The following CA5A variants were observed in gnomAD, a reference collection of about 807,000 sequenced individuals.
The protein encoded by CA5A is carbonic anhydrase 5A.
A neutral mutation model predicts 37.1 loss-of-function variants in CA5A; 28 were observed. The ratio of observed to expected loss-of-function variants is 0.75; its 90% CI spans 0.56 to 1.03. CA5A has a LOEUF of 1.03. Among genes scored for constraint, CA5A ranks in the 50% least tolerant of loss-of-function variants. The probability of loss-of-function intolerance (pLI) is 0.00; values close to 1 mark genes in which losing one functional copy is unlikely to be tolerated. For missense variants in CA5A, 444 were observed against 399.9 expected (o/e 1.11, Z -0.94); for synonymous variants, 171 against 158.4 (o/e 1.08, Z -0.60).
At chr16:87,900,469 A>T (rs541744538) in intron 5 of CA5A, among the ~76,000 whole-genome samples, 2 of 152,376 alleles carry the variant, frequency 1.3e-5, no homozygotes, top group Admixed American at 6.5e-5. Flanking sequence ...CATCTGGACC[A>T]GCCTCCACCA....
At chr16:87,904,079 C>T (rs7186692) in intron 3 of CA5A, among the ~76,000 whole-genome samples, 24,723 of 152,074 alleles carry the variant, frequency 0.16, 2,268 homozygotes, top group South Asian at 0.28. Flanking sequence ...CGGTGGCTCA[C>T]GCCTGTTATC....
exon 5 of CA5A, chr16:87,881,822 A>AT (rs1337815415): frequency 2.0e-5 from 3 of 152,200 alleles, no homozygotes; most frequent in Non-Finnish European, 4.4e-5. Context: ...CAGTGTGTCC[A>AT]GGCTCGGATG....
chr16:87,922,597 G>A (rs1291148531), intron 2 of CA5A, among the ~76,000 whole-genome samples: 3 of 152,332 alleles, frequency 2.0e-5, no homozygotes, highest in Admixed American at 6.5e-5. Flanking sequence ...GAGGGGTGAG[G>A]GACGGGCCTC....
intron 1 of CA5A, among the ~76,000 whole-genome samples, chr16:87,929,451 C>CA (rs138039345): frequency 0.083 from 7,302 of 87,926 alleles, 347 homozygotes; most frequent in African/African-American, 0.18. Context: ...AATTCGGTCT[C>CA]AAAAAAAAAA....
intron 5 of CA5A, among the ~76,000 whole-genome samples, chr16:87,901,118 C>T (rs1428811640): frequency 2.0e-5 from 3 of 152,058 alleles, no homozygotes; most frequent in African/African-American, 7.2e-5. Context: ...TTGTCCCAGC[C>T]GCATGGGAGG....
intron 5 of CA5A, among the ~76,000 whole-genome samples, chr16:87,901,561 T>C (rs2055878448): frequency 6.6e-6 from 1 of 151,962 alleles, no homozygotes; most frequent in Admixed American, 6.6e-5. Context: ...ATTTTGCTTG[T>C]CAGATTATAC....
chr16:87,930,543 G>A (rs2056387505), intron 1 of CA5A, among the ~76,000 whole-genome samples: 1 of 152,024 alleles, frequency 6.6e-6, no homozygotes, highest in South Asian at 2.1e-4. Flanking sequence ...TATTAAAGTG[G>A]ACGTGTTGTG....
intron 2 of CA5A, among the ~76,000 whole-genome samples, chr16:87,914,553 C>A (rs1475258210): frequency 6.6e-6 from 1 of 152,158 alleles, no homozygotes; most frequent in East Asian, 1.9e-4. Flanking sequence ...GCCGTCTGAA[C>A]ACAGCTAGAG....
chr16:87,921,382 C>T (rs1004988603), intron 2 of CA5A, among the ~76,000 whole-genome samples: 2 of 152,234 alleles, frequency 1.3e-5, no homozygotes, highest in African/African-American at 2.4e-5. Flanking sequence ...TGATTTCTCC[C>T]CCTCTTGGCT....
At chr16:87,929,559 T>A (rs1016156622) in intron 1 of CA5A, among the ~76,000 whole-genome samples, 20 of 151,224 alleles carry the variant, frequency 1.3e-4, no homozygotes, top group Admixed American at 4.6e-4. Context: ...CTTGAAAAAA[T>A]TTTTAGCTGT....
chr16:87,893,456 C>T, intron 5 of CA5A: 2 of 541,770 alleles, frequency 3.7e-6, no homozygotes, highest in South Asian at 1.4e-5. Context: ...TGCTACCTTA[C>T]CAATGAGGGC....
intron 2 of CA5A, among the ~76,000 whole-genome samples, chr16:87,914,999 C>T (rs894557035): frequency 4.6e-5 from 7 of 152,352 alleles, no homozygotes; most frequent in East Asian, 1.9e-4. Flanking sequence ...GGGGTGTGAG[C>T]GATGGGGCCA....
chr16:87,931,453 G>T lies in CA5A; in HGVS notation c.143-4508C>A, dbSNP rs369605907. 3.3e-4 allele frequency among the ~76,000 whole-genome samples: 50 copies of T among 152,314 alleles called. No individual in the cohort carries two copies. The South Asian group carries it at 8.1e-3, about 25-fold the overall frequency. ...TAAGTTTTACACATTGTGCAGTGGG[G>T]AAGACACATCTGTGGGCCAAAACCC... On this transcript the variant is annotated intron_variant, in intron 1 of 6. Coordinates refer to ENST00000649794, the MANE Select transcript of CA5A (RefSeq NM_001739.2).
chr16:87,881,698 G>A (rs1353294918), exon 5 of CA5A: 1 of 152,092 alleles, frequency 6.6e-6, no homozygotes. Context: ...CAGAGCCGCA[G>A]ACACCGGCCG....
At position 87,891,818 on chromosome 16, in the gene CA5A, A is replaced by G. The variant is rs769078368; in HGVS notation, c.755T>C (p.Val252Ala). ...SVTWIIQKEP[V>A]EVAPSQLSAF... The stretch of plus-strand genomic sequence containing the variant: ...GCTCACCTGGCTTGGGGCCACTTCA[A>G]CGGGCTCCTTCTGGATGATCCAGGT... Residue 252 changes from valine to alanine, a missense_variant, in exon 6 of 7, where the codon GTT becomes GCT. By Grantham distance (64) the Val-to-Ala change is moderately conservative. Coordinates refer to ENST00000649794, the MANE Select transcript of CA5A (RefSeq NM_001739.2). 3 of 1,543,612 alleles carry G rather than the reference A, an allele frequency of 1.9e-6. No individual in the cohort carries two copies. Among genetic ancestry groups the G allele is most frequent in the African/African-American group, 2.8e-5 (2 of 70,836 alleles).
intron 2 of CA5A, among the ~76,000 whole-genome samples, chr16:87,917,259 A>C (rs140404675): frequency 0.095 from 14,522 of 152,164 alleles, 1,911 homozygotes; most frequent in African/African-American, 0.3. Context: ...GGGCACTCAA[A>C]CCATGCTGGA....
chr16:87,891,647 G>C, intron 6 of CA5A, 152 bp downstream of exon 6: 1 of 701,062 alleles, frequency 1.4e-6, no homozygotes, highest in Non-Finnish European at 2.2e-6. Flanking sequence ...TCCTACTTCA[G>C]TTGGAATTTT....
chr16:87,893,775 AGCC>A, intron 5 of CA5A: 1 of 403,620 alleles, frequency 2.5e-6, no homozygotes, highest in South Asian at 1.9e-5. Flanking sequence ...ATACACTCAC[AGCC>A]AAAAAACAAA....
At chr16:87,884,012 C>T (rs1384384846), downstream of CA5A, 1 of 151,990 alleles carries the variant, frequency 6.6e-6, no homozygotes, top group Non-Finnish European at 1.5e-5. Context: ...TTAGCATCTG[C>T]TTATTTTTCT....
Sources: allele counts gnomAD v4.1 joint callset (sites outside exome capture counted in the v4.1 genomes callset), GRCh38; gene constraint gnomAD v4.1.1; transcripts MANE v1.5; gene names NCBI Gene and HGNC (gene_info 2026-07-23, HGNC 2026-07-21).